Variants in SHISA9 observed in about 807,000 individuals in gnomAD.
The protein encoded by SHISA9 is protein shisa-9.
A neutral mutation model predicts 38.0 loss-of-function variants in SHISA9; 13 were observed. The observed-to-expected ratio is 0.34, with a 90% CI of 0.22 to 0.54. SHISA9 has a LOEUF of 0.54. Ranked by LOEUF, SHISA9 falls within the 20% of genes least tolerant of loss-of-function variation. The pLI is 0.91. For missense variants in SHISA9, 538 were observed against 575.8 expected (o/e 0.93, Z 0.67); for synonymous variants, 275 against 242.0 (o/e 1.14, Z -1.27).
At chr16:13,355,156 C>T in the SHISA9 span, among the ~76,000 whole-genome samples, 2 of 149,930 alleles carry the variant, frequency 1.3e-5, no homozygotes, top group African/African-American at 4.9e-5. Context: ...GTTGATAAGG[C>T]ACAGATACTG....
chr16:13,374,918 G>A, the SHISA9 span, among the ~76,000 whole-genome samples: 1 of 152,164 alleles, frequency 6.6e-6, no homozygotes. Context: ...GATGGCCAGC[G>A]ATGATGAGCA....
chr16:13,141,296 C>T (rs923508947), intron 2 of SHISA9, among the ~76,000 whole-genome samples: 7 of 152,100 alleles, frequency 4.6e-5, no homozygotes, highest in African/African-American at 1.2e-4. Context: ...TTGCCTATTA[C>T]AGCAGTCACT....
chr16:13,017,733 G>C (rs1373530856), intron 2 of SHISA9, among the ~76,000 whole-genome samples: 4 of 152,156 alleles, frequency 2.6e-5, no homozygotes, highest in Non-Finnish European at 5.9e-5. Flanking sequence ...GTAGACTCAA[G>C]GCCCCTCAGC....
chr16:13,398,069 C>T, the SHISA9 span, among the ~76,000 whole-genome samples: 5 of 152,172 alleles, frequency 3.3e-5, no homozygotes, highest in South Asian at 2.1e-4. Context: ...TGGCATCTGT[C>T]GGTGTGCTCT....
At chr16:13,397,999 T>A in the SHISA9 span, among the ~76,000 whole-genome samples, 1 of 152,148 alleles carries the variant, frequency 6.6e-6, no homozygotes, top group Non-Finnish European at 1.5e-5. Flanking sequence ...TAGCAGCCCA[T>A]GTGCTCCTCT....
At chr16:12,981,257 A>T (rs1450433093) in intron 2 of SHISA9, among the ~76,000 whole-genome samples, 11 of 152,190 alleles carry the variant, frequency 7.2e-5, no homozygotes, top group Non-Finnish European at 1.6e-4. Flanking sequence ...ACAGTCGATC[A>T]CTCACAGACC....
chr16:13,430,719 A>G, the SHISA9 span, among the ~76,000 whole-genome samples: 2 of 150,618 alleles, frequency 1.3e-5, no homozygotes, highest in African/African-American at 4.9e-5. Context: ...CAGCCTGGGC[A>G]ATATAGCCAG....
At chr16:13,344,840 G>C in the SHISA9 span, among the ~76,000 whole-genome samples, 1 of 152,128 alleles carries the variant, frequency 6.6e-6, no homozygotes, top group Non-Finnish European at 1.5e-5. Context: ...TATGTTCTTG[G>C]TCATTACACT....
the SHISA9 span, among the ~76,000 whole-genome samples, chr16:13,352,216 T>C: frequency 1.3e-3 from 196 of 152,332 alleles, 6 homozygotes; most frequent in East Asian, 0.035. Flanking sequence ...GGGCAGAATA[T>C]TGGGAGAACA....
chr16:13,435,668 C>A, the SHISA9 span, among the ~76,000 whole-genome samples: 26 of 152,342 alleles, frequency 1.7e-4, no homozygotes, highest in Non-Finnish European at 2.2e-4. Context: ...AAGCCAGGTT[C>A]ATTCTGCCCA....
chr16:13,415,006 T>A, the SHISA9 span, among the ~76,000 whole-genome samples: 1 of 152,182 alleles, frequency 6.6e-6, no homozygotes, highest in Non-Finnish European at 1.5e-5. Context: ...AACAACTGGA[T>A]TGGCTATAGC....
At chr16:13,033,925 C>A (rs1258728366) in intron 2 of SHISA9, among the ~76,000 whole-genome samples, 1 of 152,164 alleles carries the variant, frequency 6.6e-6, no homozygotes, top group African/African-American at 2.4e-5. Context: ...GTGGGTGGAT[C>A]ACCTGAGGCC....
At chr16:13,375,499 T>G in the SHISA9 span, among the ~76,000 whole-genome samples, 1 of 152,176 alleles carries the variant, frequency 6.6e-6, no homozygotes, top group Non-Finnish European at 1.5e-5. Flanking sequence ...TGGTATTATT[T>G]CTGAGAGCTC....
chr16:13,054,614 C>T (rs2073289224), intron 2 of SHISA9, among the ~76,000 whole-genome samples: 1 of 152,158 alleles, frequency 6.6e-6, no homozygotes, highest in Non-Finnish European at 1.5e-5. Flanking sequence ...TGGGATTTTG[C>T]TAAGGAAGTT....
the SHISA9 span, among the ~76,000 whole-genome samples, chr16:13,351,729 G>T: frequency 6.6e-6 from 1 of 152,164 alleles, no homozygotes; most frequent in East Asian, 1.9e-4. Context: ...AGCATAAATA[G>T]CGTTCAGCTG....
chr16:13,340,963 C>T, the SHISA9 span, among the ~76,000 whole-genome samples: 1 of 152,328 alleles, frequency 6.6e-6, no homozygotes, highest in Non-Finnish European at 1.5e-5. Flanking sequence ...TCAAATTTGT[C>T]TACTGTGGGT....
chr16:12,981,360 G>A (rs540066577), intron 2 of SHISA9, among the ~76,000 whole-genome samples: 1 of 152,354 alleles, frequency 6.6e-6, no homozygotes, highest in African/African-American at 2.4e-5. Context: ...TTGCCCCAGG[G>A]CAATGGCAGG....
the SHISA9 span, among the ~76,000 whole-genome samples, chr16:13,247,088 G>A: frequency 5.0e-4 from 76 of 152,102 alleles, no homozygotes; most frequent in Middle Eastern, 3.4e-3. Context: ...CAATCATGGC[G>A]GAAGGGGAAG....
At chr16:13,329,255 C>T in the SHISA9 span, among the ~76,000 whole-genome samples, 1 of 152,134 alleles carries the variant, frequency 6.6e-6, no homozygotes, top group Non-Finnish European at 1.5e-5. Flanking sequence ...CTTTCCGGCG[C>T]CCCTCTTTCT....
Sources: gnomAD v4.1 joint callset for allele counts (sites outside exome capture counted in the v4.1 genomes callset) on GRCh38, gnomAD v4.1.1 for gene constraint, MANE v1.5 for transcripts, NCBI Gene and HGNC (gene_info 2026-07-23, HGNC 2026-07-21) for gene names.